CREBBP: variants seen among roughly 807,000 people sequenced by gnomAD.
CREBBP encodes the protein CREB-binding protein.
CREBBP carries 19 observed loss-of-function variants against 265.0 expected under a neutral mutation model. The observed-to-expected ratio is 0.07, with a 90% confidence interval of 0.05 to 0.11. CREBBP has a LOEUF of 0.11. Ranked by LOEUF, CREBBP falls within the 10% of genes least tolerant of loss-of-function variation. The pLI is 1.00. For missense variants in CREBBP, 2,525 were observed against 3,219.0 expected (o/e 0.78, Z 5.22); for synonymous variants, 1,457 against 1,223.7 (o/e 1.19, Z -3.98).
At chr16:3,863,969 G>A (rs937029569) in intron 1 of CREBBP, among the ~76,000 whole-genome samples, 8 of 152,198 alleles carry the variant, frequency 5.3e-5, no homozygotes, top group Admixed American at 1.3e-4. Context: ...ACCAGACCCC[G>A]GAGAGGTGCT....
chr16:3,847,584 C>T (rs528483781), intron 2 of CREBBP, among the ~76,000 whole-genome samples: 5 of 152,302 alleles, frequency 3.3e-5, no homozygotes, highest in East Asian at 1.9e-4. Flanking sequence ...AGCACGCTAA[C>T]GAGGCTCACT....
intron 2 of CREBBP, among the ~76,000 whole-genome samples, chr16:3,824,185 C>T (rs1419831710): frequency 6.6e-6 from 1 of 152,222 alleles, no homozygotes; most frequent in Non-Finnish European, 1.5e-5. Context: ...GGGGTCCTGA[C>T]TGGGAGGCAA....
At chr16:3,828,053 C>T (rs1205783298) in intron 2 of CREBBP, among the ~76,000 whole-genome samples, 1 of 151,872 alleles carries the variant, frequency 6.6e-6, no homozygotes, top group Non-Finnish European at 1.5e-5. Context: ...GCACATAGGC[C>T]AAGGCACATT....
chr16:3,753,562 T>G lies in CREBBP; in HGVS notation c.3699-1756A>C, dbSNP rs190507575. Among the ~76,000 whole-genome samples the G allele has an allele frequency of 3.9e-5, 6 of 152,344 alleles. No individual in the cohort carries two copies. The East Asian group carries it at 1.2e-3, about 29-fold the overall frequency. On this transcript the variant is annotated intron_variant, in intron 19 of 30. Coordinates refer to ENST00000262367, the MANE Select transcript of CREBBP (RefSeq NM_004380.3). Reference sequence around the variant, plus strand: ...TGTTTTTCTTTAAATATGTATTTTTTTTTTCCCTGAATGAACTATAGCAAT... The same window carrying G: ...TGTTTTTCTTTAAATATGTATTTTTGTTTTCCCTGAATGAACTATAGCAAT...
At chr16:3,864,522 C>T (rs1008716523) in intron 1 of CREBBP, among the ~76,000 whole-genome samples, 3 of 152,054 alleles carry the variant, frequency 2.0e-5, no homozygotes, top group African/African-American at 7.2e-5. Flanking sequence ...GTGGCACATG[C>T]CCATAGTCCT....
intron 2 of CREBBP, among the ~76,000 whole-genome samples, chr16:3,848,056 G>C (rs1001530457): frequency 1.3e-5 from 2 of 151,980 alleles, no homozygotes; most frequent in Non-Finnish European, 2.9e-5. Context: ...TGTAATCCCA[G>C]CTACTCAGGA....
At chr16:3,836,196 G>A (rs1444222904) in intron 2 of CREBBP, among the ~76,000 whole-genome samples, 3 of 151,916 alleles carry the variant, frequency 2.0e-5, no homozygotes, top group Non-Finnish European at 4.4e-5. Context: ...AACACTTTGG[G>A]AGGCTGAGGT....
At chr16:3,867,339 A>T (rs1030154133) in intron 1 of CREBBP, among the ~76,000 whole-genome samples, 8 of 152,038 alleles carry the variant, frequency 5.3e-5, no homozygotes, top group Non-Finnish European at 1.0e-4. Flanking sequence ...AAAATAATAA[A>T]AAATTATCTG....
intron 2 of CREBBP, among the ~76,000 whole-genome samples, chr16:3,846,444 T>C (rs2054669420): frequency 1.3e-5 from 2 of 152,316 alleles, no homozygotes; most frequent in South Asian, 4.1e-4. Flanking sequence ...ATTCAGAAAT[T>C]GCATGTCCAA....
At chr16:3,769,826 G>A (rs2052955654) in intron 14 of CREBBP, among the ~76,000 whole-genome samples, 2 of 152,112 alleles carry the variant, frequency 1.3e-5, no homozygotes, top group South Asian at 2.1e-4. Context: ...AACATTACAC[G>A]AAGGAACCAC....
At chr16:3,830,162 C>T (rs536253133) in intron 2 of CREBBP, among the ~76,000 whole-genome samples, 26 of 151,968 alleles carry the variant, frequency 1.7e-4, no homozygotes, top group Non-Finnish European at 3.2e-4. Flanking sequence ...TTTGGGAGGT[C>T]GAGGTGGGCA....
chr16:3,730,078 G>A (rs1424305992), intron 30 of CREBBP, among the ~76,000 whole-genome samples: 3 of 139,042 alleles, frequency 2.2e-5, no homozygotes, highest in African/African-American at 1.0e-4. Flanking sequence ...TGGACGGGAT[G>A]GGATCATGGA....
intron 2 of CREBBP, among the ~76,000 whole-genome samples, chr16:3,827,009 CTACT>C (rs891249305): frequency 1.6e-4 from 25 of 152,238 alleles, no homozygotes; most frequent in African/African-American, 5.5e-4. Context: ...AACATAGAGT[CTACT>C]CAGTCAGTTG....
At position 3,807,468 on chromosome 16, in the gene CREBBP, T is replaced by C. The variant is rs371639841; in HGVS notation, c.975+3135A>G. 3.9e-5 allele frequency among the ~76,000 whole-genome samples: 6 copies of C among 152,350 alleles called. No individual in the cohort carries two copies. The East Asian group carries it at 7.7e-4, about 20-fold the overall frequency. On this transcript the variant is annotated intron_variant, in intron 3 of 30. Transcript: ENST00000262367. ...TTTCTTTGTAAGTGTTTGCCCTCAG[T>C]ATGCAAAAGTCTGTGGGTTTTGAGG...
rs130055 is a variant in CREBBP at position 3,815,935 on chromosome 16, T to C, written c.799-5156A>G. On this transcript the variant is annotated intron_variant, in intron 2 of 30. Transcript: ENST00000262367. ...ATTCCATACACTCTTTTAAATAAAA[T>C]TAAAAAAGCAGAACAGAGAATAGGC... Among the ~76,000 whole-genome samples, 103 of 152,186 alleles carry C rather than the reference T, an allele frequency of 6.8e-4. 1 individual carries two copies. The South Asian group carries it at 0.021, about 31-fold the overall frequency.
intron 2 of CREBBP, among the ~76,000 whole-genome samples, chr16:3,813,676 G>A (rs1392128986): frequency 6.6e-6 from 1 of 152,010 alleles, no homozygotes; most frequent in Non-Finnish European, 1.5e-5. Flanking sequence ...ATTTTCCCTC[G>A]ATCAATTCAT....
chr16:3,818,707 C>A (rs983929980), intron 2 of CREBBP, among the ~76,000 whole-genome samples: 4 of 152,176 alleles, frequency 2.6e-5, no homozygotes, highest in Admixed American at 6.5e-5. Context: ...TCAAGACACG[C>A]CTCAAGCCAC....
chr16:3,727,660 G>T lies in CREBBP; in HGVS notation c.*58C>A. The T allele has an allele frequency of 1.9e-6, 3 of 1,613,506 alleles. No homozygotes were observed. The highest frequency in any genetic ancestry group is 1.7e-6 in the Non-Finnish European group (2 of 1,180,000). ...GGAATAAAAAGAACCTAGATGCCTG[G>T]ATTTTCAGTACAAAAGGTCCAAGAA... On this transcript the variant is annotated 3_prime_UTR_variant, in exon 31 of 31. Coordinates refer to ENST00000262367, the MANE Select transcript of CREBBP (RefSeq NM_004380.3).
chr16:3,766,794 T>C (rs1164202780), intron 16 of CREBBP, among the ~76,000 whole-genome samples: 1 of 152,218 alleles, frequency 6.6e-6, no homozygotes, highest in Non-Finnish European at 1.5e-5. Flanking sequence ...CCCAAAGTGC[T>C]GGGATTACAG....
Sources: allele counts gnomAD v4.1 joint callset (sites outside exome capture counted in the v4.1 genomes callset), GRCh38; gene constraint gnomAD v4.1.1; transcripts MANE v1.5; gene names NCBI Gene and HGNC (gene_info 2026-07-23, HGNC 2026-07-21).